MYO9B: variants seen among roughly 807,000 people sequenced by gnomAD.
The protein encoded by MYO9B is unconventional myosin-IXb.
MYO9B carries 71 observed loss-of-function variants against 229.5 expected under a neutral mutation model. The observed-to-expected ratio is 0.31, with a 90% confidence interval of 0.26 to 0.38. The LOEUF is 0.38. Ranked by LOEUF, MYO9B falls within the 10% of genes least tolerant of loss-of-function variation. The probability of loss-of-function intolerance (pLI) is 1.00; values close to 1 mark genes in which losing one functional copy is unlikely to be tolerated. For missense variants in MYO9B, 2,255 were observed against 2,920.5 expected (o/e 0.77, Z 5.25); for synonymous variants, 1,185 against 1,235.8 (o/e 0.96, Z 0.86).
intron 2 of MYO9B, among the ~76,000 whole-genome samples, chr19:17,118,566 C>T (rs2057930226): frequency 6.6e-6 from 1 of 152,062 alleles, no homozygotes; most frequent in Non-Finnish European, 1.5e-5. Flanking sequence ...ACTAAAACCT[C>T]CGCCTCCCAG....
At position 17,209,718 on chromosome 19, in the gene MYO9B, C is replaced by A. The variant is rs202183805; in HGVS notation, c.5748+9C>A. On this transcript the variant is annotated intron_variant, in intron 36 of 39. Coordinates refer to ENST00000682292, the MANE Select transcript of MYO9B (RefSeq NM_004145.4). ...TCCTGCGACAAAATGCTGTGAGTAC[C>A]GGTGATCGTGGGGGCGGGACCTCTT... is the stretch of plus-strand genomic sequence containing the variant. 1 of 1,607,706 alleles carries A rather than the reference C, an allele frequency of 6.2e-7. No homozygotes were observed. The highest frequency in any genetic ancestry group is 2.2e-5 in the East Asian group (1 of 44,496).
intron 3 of MYO9B, among the ~76,000 whole-genome samples, chr19:17,146,217 G>C: frequency 6.7e-6 from 1 of 150,090 alleles, no homozygotes; most frequent in South Asian, 2.1e-4. Flanking sequence ...ATGGATCGAT[G>C]GATTGATTCA....
chr19:17,191,989 A>G (rs1340000683), intron 20 of MYO9B, among the ~76,000 whole-genome samples: 2 of 151,714 alleles, frequency 1.3e-5, no homozygotes, highest in Non-Finnish European at 2.9e-5. Flanking sequence ...TTTGAGACAG[A>G]GTCTTGCTCT....
chr19:17,183,787 G>C, intron 15 of MYO9B, 42 bp from the exon 16 acceptor site: 1 of 1,519,164 alleles, frequency 6.6e-7, no homozygotes, highest in Non-Finnish European at 8.9e-7. Context: ...TCCCGACACT[G>C]TGTTCCTTTT....
chr19:17,093,748 A>G (rs1418483372), intron 1 of MYO9B, among the ~76,000 whole-genome samples: 6 of 151,536 alleles, frequency 4.0e-5, no homozygotes, highest in African/African-American at 7.3e-5. Flanking sequence ...GCTGCGGTGC[A>G]GTAGTGCAGT....
intron 14 of MYO9B, among the ~76,000 whole-genome samples, chr19:17,176,400 A>C (rs1204735749): frequency 2.0e-5 from 3 of 149,756 alleles, no homozygotes; most frequent in Non-Finnish European, 4.5e-5. Flanking sequence ...TGAACTCCTG[A>C]CCTTGGGTGA....
intron 2 of MYO9B, among the ~76,000 whole-genome samples, chr19:17,134,381 G>GTTTGTTTTTTTTTTTT (rs2072241804): frequency 2.2e-5 from 1 of 46,478 alleles, no homozygotes; most frequent in African/African-American, 8.9e-5. Flanking sequence ...CGTTTTGTTT[G>GTTTGTTTTTTTTTTTT]TTTTTTTTTT....
At chr19:17,139,474 T>G (rs1157126867) in intron 2 of MYO9B, among the ~76,000 whole-genome samples, 1 of 150,894 alleles carries the variant, frequency 6.6e-6, no homozygotes, top group African/African-American at 2.4e-5. Flanking sequence ...GCTGGTTACT[T>G]TGGCTCACAC....
At chr19:17,085,962 C>G (rs1308042126) in intron 1 of MYO9B, among the ~76,000 whole-genome samples, 4 of 152,148 alleles carry the variant, frequency 2.6e-5, no homozygotes, top group African/African-American at 9.7e-5. Context: ...GACCTGCAGC[C>G]CAGCCACCAC....
At chr19:17,116,751 G>T (rs1403789070) in intron 2 of MYO9B, among the ~76,000 whole-genome samples, 1 of 152,140 alleles carries the variant, frequency 6.6e-6, no homozygotes, top group Non-Finnish European at 1.5e-5. Flanking sequence ...ATCAGCCAAA[G>T]TTGTCTTTGG....
chr19:17,210,935 G>A, intron 38 of MYO9B, 87 bp downstream of exon 38: 10 of 1,458,692 alleles, frequency 6.9e-6, no homozygotes, highest in South Asian at 2.5e-5. Context: ...GCTTGACCTC[G>A]CCAGGTTTGG....
At chr19:17,087,801 A>G (rs571194043) in intron 1 of MYO9B, among the ~76,000 whole-genome samples, 1 of 152,048 alleles carries the variant, frequency 6.6e-6, no homozygotes, top group African/African-American at 2.4e-5. Flanking sequence ...GTGGTGGTGC[A>G]TGCCTGTAAT....
chr19:17,126,532 A>G (rs1446011255), intron 2 of MYO9B, among the ~76,000 whole-genome samples: 1 of 152,288 alleles, frequency 6.6e-6, no homozygotes, highest in Non-Finnish European at 1.5e-5. Flanking sequence ...TGACTCTGCT[A>G]TTGTAACTCA....
chr19:17,210,480 G>A, intron 37 of MYO9B, 100 bp downstream of exon 37: 1 of 1,389,652 alleles, frequency 7.2e-7, no homozygotes. Flanking sequence ...GACAGAGCCT[G>A]TCCTAACCTT....
At chr19:17,206,477 G>C (rs1372009130) in intron 33 of MYO9B, 101 bp downstream of exon 33, 4 of 1,494,904 alleles carry the variant, frequency 2.7e-6, no homozygotes, top group Non-Finnish European at 3.6e-6. Context: ...TTCACAAACT[G>C]AGAAACTGAG....
At chr19:17,178,235 GGCATGGT>G (rs1400817118) in intron 14 of MYO9B, among the ~76,000 whole-genome samples, 1 of 152,182 alleles carries the variant, frequency 6.6e-6, no homozygotes, top group Non-Finnish European at 1.5e-5. Context: ...GGGGGCACTT[GGCATGGT>G]GCATGGAGCA....
chr19:17,211,838 G>T, intron 39 of MYO9B, 57 bp from the exon 40 acceptor site: 1 of 1,607,970 alleles, frequency 6.2e-7, no homozygotes, highest in Non-Finnish European at 8.5e-7. Context: ...CCAGGGCGAG[G>T]GTCCTCCGGC....
chr19:17,202,576 T>C (rs1568300738), intron 28 of MYO9B, among the ~76,000 whole-genome samples: 1 of 152,130 alleles, frequency 6.6e-6, no homozygotes, highest in African/African-American at 2.4e-5. Flanking sequence ...TACCCATCCC[T>C]TGCCATGATT....
In MYO9B at chr19:17,196,643, A is replaced by G. The variant is rs1263659108; in HGVS notation, c.4047-1149A>G. Among the ~76,000 whole-genome samples the G allele has an allele frequency of 2.0e-5, 3 of 151,578 alleles. No homozygotes were observed. In the East Asian group the frequency reaches 5.8e-4, roughly 29 times the overall value. On this transcript the variant is annotated intron_variant, in intron 22 of 39. Transcript: ENST00000682292. ...GGTTGCAGTGAGCCGAGATCAAGTCACTGCACTCCAGCCTGGATGACAGAG... is the reference window on the plus strand; with the variant it reads ...GGTTGCAGTGAGCCGAGATCAAGTCGCTGCACTCCAGCCTGGATGACAGAG...
Sources: allele counts gnomAD v4.1 joint callset (sites outside exome capture counted in the v4.1 genomes callset), GRCh38; gene constraint gnomAD v4.1.1; transcripts MANE v1.5; gene names NCBI Gene and HGNC (gene_info 2026-07-23, HGNC 2026-07-21).